The following FAM227A variants were observed in gnomAD, a reference collection of about 807,000 sequenced individuals.
FAM227A encodes the protein protein FAM227A.
FAM227A carries 80 observed loss-of-function variants against 74.7 expected under a neutral mutation model. The observed-to-expected ratio is 1.07, with a 90% CI of 0.89 to 1.29. FAM227A has a LOEUF of 1.29. Ranked by LOEUF, FAM227A falls within the 50% of genes most tolerant of loss-of-function variation. The pLI, the probability that FAM227A is intolerant of heterozygous loss-of-function variation, is 0.00. For synonymous variants in FAM227A, 237 were observed against 241.8 expected (o/e 0.98, Z 0.19); for missense variants, 654 against 683.4 (o/e 0.96, Z 0.48).
Position 38,582,381 on chromosome 22 carries a change from G to T in FAM227A, c.*3744C>A, listed in dbSNP as rs201130316. On this transcript the variant is annotated 3_prime_UTR_variant, in exon 17 of 17. Coordinates refer to ENST00000535113, the MANE Select transcript of FAM227A (RefSeq NM_001013647.2). ...CTGAATTTATCTTCTTCCATGCTGA[G>T]AGTATGGGTTTTCAGCAACACTGGG... 4.7e-3 allele frequency: 7,231 copies of T among 1,550,204 alleles called. 34 individuals are homozygous for T. Among genetic ancestry groups the T allele is most frequent in the Non-Finnish European group, 5.8e-3 (6,658 of 1,146,562 alleles).
At chr22:38,594,461 A>G (rs1159504241) in intron 15 of FAM227A, among the ~76,000 whole-genome samples, 1 of 152,208 alleles carries the variant, frequency 6.6e-6, no homozygotes, top group Non-Finnish European at 1.5e-5. Flanking sequence ...CTTCGGTCCA[A>G]TAATATGTTG....
At chr22:38,591,890 A>G (rs2090945581) in intron 15 of FAM227A, among the ~76,000 whole-genome samples, 1 of 152,126 alleles carries the variant, frequency 6.6e-6, no homozygotes, top group African/African-American at 2.4e-5. Flanking sequence ...ATCTGTAGAC[A>G]AAACTTTGAG....
chr22:38,604,015 T>C (rs1013406685), intron 13 of FAM227A, among the ~76,000 whole-genome samples: 2 of 152,096 alleles, frequency 1.3e-5, no homozygotes, highest in African/African-American at 4.8e-5. Flanking sequence ...ACTTCTAAGG[T>C]AAAACACCAC....
chr22:38,635,013 G>A (rs2091976071), intron 6 of FAM227A, among the ~76,000 whole-genome samples: 1 of 152,086 alleles, frequency 6.6e-6, no homozygotes, highest in Non-Finnish European at 1.5e-5. Flanking sequence ...TTGGGAGGCT[G>A]AGGCGGGCGG....
In FAM227A at chr22:38,579,536, C is replaced by T. The variant is rs1056339510; in HGVS notation, c.*6589G>A. ...TGTGTAAAATATGCTTAGAAGTGTC[C>T]ATGGTAGATGCCTTTAATTTTAAAA... On this transcript the variant is annotated 3_prime_UTR_variant, in exon 17 of 17. Transcript: ENST00000535113. The T allele has an allele frequency of 6.6e-6, 1 of 152,106 alleles. No homozygotes were observed. The highest frequency in any genetic ancestry group is 2.4e-5 in the African/African-American group (1 of 41,406). 9.4% of individuals were successfully genotyped at this position (152,106 alleles called of 1,614,324 possible).
intron 2 of FAM227A, among the ~76,000 whole-genome samples, chr22:38,647,541 A>G (rs1297495748): frequency 6.6e-6 from 1 of 152,170 alleles, no homozygotes; most frequent in Non-Finnish European, 1.5e-5. Flanking sequence ...CATATTTTAG[A>G]GTATTTCTTT....
At chr22:38,649,883 A>G in intron 2 of FAM227A, 144 bp downstream of exon 2, 1 of 395,186 alleles carries the variant, frequency 2.5e-6, no homozygotes, top group Non-Finnish European at 3.9e-6. Context: ...AAAAAAAGAA[A>G]GAAAAGAAAA....
intron 11 of FAM227A, among the ~76,000 whole-genome samples, chr22:38,619,383 G>A (rs1361927156): frequency 6.6e-6 from 1 of 152,148 alleles, no homozygotes; most frequent in South Asian, 2.1e-4. Flanking sequence ...CAGTGCAGTG[G>A]TGTGATCTCA....
At chr22:38,620,872 G>GA (rs2091675324) in intron 10 of FAM227A, among the ~76,000 whole-genome samples, 1 of 151,738 alleles carries the variant, frequency 6.6e-6, no homozygotes, top group Admixed American at 6.5e-5. Flanking sequence ...CAACCCACAG[G>GA]AAAAAAAGGA....
At chr22:38,645,503 T>C in intron 3 of FAM227A, 60 bp downstream of exon 3, 1 of 1,135,862 alleles carries the variant, frequency 8.8e-7, no homozygotes, top group Non-Finnish European at 1.3e-6. Context: ...AACACCTTGA[T>C]GATCCCCGGG....
At chr22:38,645,977 G>C (rs2092228680) in intron 2 of FAM227A, among the ~76,000 whole-genome samples, 1 of 151,854 alleles carries the variant, frequency 6.6e-6, no homozygotes, top group Non-Finnish European at 1.5e-5. Context: ...TAGAGATGCA[G>C]TTTCGCCATG....
At chr22:38,639,025 G>A (rs1187440645) in intron 4 of FAM227A, among the ~76,000 whole-genome samples, 1 of 152,156 alleles carries the variant, frequency 6.6e-6, no homozygotes, top group Non-Finnish European at 1.5e-5. Flanking sequence ...CAGACAGACT[G>A]TGACTTTAGG....
intron 11 of FAM227A, among the ~76,000 whole-genome samples, chr22:38,616,497 T>C (rs2091579176): frequency 6.6e-6 from 1 of 151,870 alleles, no homozygotes; most frequent in East Asian, 1.9e-4. Flanking sequence ...ACCCCGTCTC[T>C]ACTAAAAATA....
At chr22:38,645,394 A>T (rs2092215055) in intron 3 of FAM227A, among the ~76,000 whole-genome samples, 169 bp downstream of exon 3, 1 of 152,224 alleles carries the variant, frequency 6.6e-6, no homozygotes, top group South Asian at 2.1e-4. Context: ...CATCTCAAAA[A>T]AAAATAAAAA....
intron 11 of FAM227A, among the ~76,000 whole-genome samples, chr22:38,612,860 T>C (rs2091445417): frequency 6.6e-6 from 1 of 151,268 alleles, no homozygotes; most frequent in South Asian, 2.1e-4. Context: ...GCATGGCCTC[T>C]GAAGCTAACA....
chr22:38,612,959 C>T (rs2091447259), intron 11 of FAM227A, among the ~76,000 whole-genome samples: 1 of 146,722 alleles, frequency 6.8e-6, no homozygotes, highest in Non-Finnish European at 1.5e-5. Context: ...CAACTGAGAA[C>T]TTTGGTGATG....
At chr22:38,650,919 T>C (rs1027795493) in intron 1 of FAM227A, among the ~76,000 whole-genome samples, 2 of 152,162 alleles carry the variant, frequency 1.3e-5, no homozygotes, top group African/African-American at 4.8e-5. Flanking sequence ...AGCAAAAGAC[T>C]TAGATCCTGC....
At chr22:38,638,372 G>A (rs528701697) in intron 5 of FAM227A, among the ~76,000 whole-genome samples, 36 of 152,274 alleles carry the variant, frequency 2.4e-4, no homozygotes, top group South Asian at 8.3e-4. Flanking sequence ...TGAGGCATCC[G>A]CAGCAACTCT....
chr22:38,642,062 C>G (rs527535652), intron 3 of FAM227A, among the ~76,000 whole-genome samples: 1 of 152,292 alleles, frequency 6.6e-6, no homozygotes, highest in South Asian at 2.1e-4. Flanking sequence ...AACCTTCAGA[C>G]TTCTCATTTC....
Sources: gnomAD v4.1 joint callset for allele counts (sites outside exome capture counted in the v4.1 genomes callset) on GRCh38, gnomAD v4.1.1 for gene constraint, MANE v1.5 for transcripts, NCBI Gene and HGNC (gene_info 2026-07-23, HGNC 2026-07-21) for gene names.